FBXL20: variants seen among roughly 807,000 people sequenced by gnomAD.
FBXL20 encodes F-box and leucine rich repeat protein 20, also known as F-box/LRR-repeat protein 20.
In FBXL20, 11 loss-of-function variants were observed where a neutral mutation model predicts 64.0. The ratio of observed to expected loss-of-function variants is 0.17; its 90% CI spans 0.11 to 0.28. The LOEUF (loss-of-function observed/expected upper bound fraction) is 0.28, where lower values mean the gene tolerates loss of function less well. Ranked by LOEUF, FBXL20 falls within the 10% of genes least tolerant of loss-of-function variation. The pLI is 1.00. For missense variants in FBXL20, 303 were observed against 526.2 expected (o/e 0.58, Z 4.15); for synonymous variants, 184 against 189.0 (o/e 0.97, Z 0.22).
chr17:39,346,054 G>C (rs1412483067), intron 1 of FBXL20, among the ~76,000 whole-genome samples: 1 of 152,140 alleles, frequency 6.6e-6, no homozygotes, highest in Non-Finnish European at 1.5e-5. Flanking sequence ...GGGAGTGGTA[G>C]CTCATGCCTG....
At chr17:39,300,669 C>T (rs1413427393) in intron 4 of FBXL20, among the ~76,000 whole-genome samples, 1 of 152,074 alleles carries the variant, frequency 6.6e-6, no homozygotes, top group Non-Finnish European at 1.5e-5. Context: ...CTATTTATTC[C>T]TCAGTAAACA....
chr17:39,380,215 A>C (rs1430943536), intron 1 of FBXL20, among the ~76,000 whole-genome samples: 1 of 152,150 alleles, frequency 6.6e-6, no homozygotes, highest in Non-Finnish European at 1.5e-5. Flanking sequence ...AACAGAACAC[A>C]ATTCAAAAAC....
intron 2 of FBXL20, among the ~76,000 whole-genome samples, chr17:39,324,023 C>CCCCCCCA (rs2047384636): frequency 7.2e-6 from 1 of 139,030 alleles, no homozygotes; most frequent in African/African-American, 3.0e-5. Flanking sequence ...CTCCCCCCCC[C>CCCCCCCA]ACCCCCTGGC....
At chr17:39,283,909 A>C (rs1300414314) in intron 7 of FBXL20, among the ~76,000 whole-genome samples, 1 of 131,182 alleles carries the variant, frequency 7.6e-6, no homozygotes, top group Non-Finnish European at 1.5e-5. Context: ...TCCAGAAGAT[A>C]AAGCCATGAT....
chr17:39,285,923 T>TA, intron 6 of FBXL20, among the ~76,000 whole-genome samples: 1 of 152,358 alleles, frequency 6.6e-6, no homozygotes, highest in East Asian at 1.9e-4. Flanking sequence ...AATGGCTATC[T>TA]ACCAGACGTA....
intron 1 of FBXL20, among the ~76,000 whole-genome samples, chr17:39,371,016 C>T (rs147423437): frequency 5.9e-5 from 9 of 151,734 alleles, no homozygotes; most frequent in Non-Finnish European, 1.0e-4. Context: ...TTTGGGAGTT[C>T]GAGACCAGCC....
chr17:39,261,686 C>T (rs756067518), intron 14 of FBXL20, 119 bp from the exon 15 acceptor site: 2 of 707,608 alleles, frequency 2.8e-6, no homozygotes, highest in Admixed American at 5.4e-5. Flanking sequence ...AAAGGCTGAG[C>T]ACTGGTCAGG....
intron 8 of FBXL20, 80 bp downstream of exon 8, chr17:39,282,649 A>T: frequency 6.3e-7 from 1 of 1,575,238 alleles, no homozygotes; most frequent in Non-Finnish European, 8.7e-7. Context: ...CTCCAGACAA[A>T]CATCTTGGGG....
In FBXL20 at chr17:39,260,602, A is replaced by G. The variant is rs1235161364; in HGVS notation, c.*858T>C. 6.6e-6 allele frequency: 1 copy of G among 152,298 alleles called. No individual in the cohort carries two copies. Among genetic ancestry groups the G allele is most frequent in the Non-Finnish European group, 1.5e-5 (1 of 68,050 alleles). The allele number at this position is 152,298 out of a possible 1,614,324, so 9.4% of individuals were successfully genotyped here. On this transcript the variant is annotated 3_prime_UTR_variant, in exon 15 of 15. Transcript: ENST00000264658. ...CCCCTAATGGTAAAATTTAGAATTA[A>G]AAAAATATTTATTGATAATATCTTT...
intron 1 of FBXL20, among the ~76,000 whole-genome samples, chr17:39,364,224 T>A (rs1316500447): frequency 1.3e-5 from 2 of 152,148 alleles, no homozygotes; most frequent in African/African-American, 4.8e-5. Context: ...CAATGCCCCT[T>A]TGCAATGCAA....
chr17:39,349,718 C>G (rs1027002966), intron 1 of FBXL20, among the ~76,000 whole-genome samples: 9 of 152,048 alleles, frequency 5.9e-5, no homozygotes, highest in African/African-American at 7.2e-5. Flanking sequence ...AGGCAGATCA[C>G]GAGGTCAGGA....
intron 5 of FBXL20, among the ~76,000 whole-genome samples, chr17:39,298,463 AATTCCAGCACTTTGG>A (rs2047106122): frequency 6.6e-6 from 1 of 152,120 alleles, no homozygotes; most frequent in Non-Finnish European, 1.5e-5. Flanking sequence ...TCATGCCCGT[AATTCCAGCACTTTGG>A]GAGGCTGAGG....
chr17:39,328,400 G>C (rs60556653), intron 2 of FBXL20, among the ~76,000 whole-genome samples: 1 of 151,824 alleles, frequency 6.6e-6, no homozygotes, highest in African/African-American at 2.4e-5. Flanking sequence ...TGTTGTGCCA[G>C]AAAACAAGGA....
At chr17:39,369,874 T>C (rs560227545) in intron 1 of FBXL20, among the ~76,000 whole-genome samples, 1 of 152,250 alleles carries the variant, frequency 6.6e-6, no homozygotes, top group South Asian at 2.1e-4. Flanking sequence ...GGTCTCCAGC[T>C]TTCCTCCTAC....
Position 39,281,428 on chromosome 17 carries a change from G to T in FBXL20, c.657C>A (p.His219Gln). The T allele has an allele frequency of 6.2e-7, 1 of 1,613,980 alleles. No individual in the cohort carries two copies. Among genetic ancestry groups the T allele is most frequent in the Non-Finnish European group, 8.5e-7 (1 of 1,179,942 alleles). Residue 219 changes from histidine to glutamine, a missense_variant, in exon 9 of 15, where the codon CAC becomes CAA. This residue lies in a region of FBXL20 where 246 missense variants were observed against 422.6 expected (regional missense o/e 0.58). Transcript: ENST00000264658. ...EDEALKYIGAHCPELVTLNLQ... is the reference protein window; with the variant it reads ...EDEALKYIGAQCPELVTLNLQ... Reference sequence around the variant, plus strand: ...AGTTCAAAGTCACCAGTTCAGGGCAGTGTGCACCTATGTACTTGAGAGCTT... The same window carrying T: ...AGTTCAAAGTCACCAGTTCAGGGCATTGTGCACCTATGTACTTGAGAGCTT...
intron 1 of FBXL20, among the ~76,000 whole-genome samples, chr17:39,395,146 C>A (rs1380371615): frequency 6.6e-6 from 1 of 152,036 alleles, no homozygotes; most frequent in Non-Finnish European, 1.5e-5. Context: ...ACTTCTAGGC[C>A]GGGCGTGGTG....
intron 2 of FBXL20, among the ~76,000 whole-genome samples, chr17:39,312,545 T>C (rs1654271493): frequency 6.9e-6 from 1 of 144,240 alleles, no homozygotes; most frequent in Non-Finnish European, 1.5e-5. Context: ...TTTGCTATTA[T>C]TTAGCAACCC....
chr17:39,397,576 T>C (rs2048196081), intron 1 of FBXL20, among the ~76,000 whole-genome samples: 1 of 152,064 alleles, frequency 6.6e-6, no homozygotes, highest in Admixed American at 6.6e-5. Flanking sequence ...CTGAAGCAAA[T>C]CTAAGCTTAG....
In FBXL20 at chr17:39,254,645, A is replaced by C. The variant is rs1056819133; in HGVS notation, c.*6815T>G. The C allele has an allele frequency of 1.3e-5, 2 of 154,490 alleles. No individual in the cohort carries two copies. Among genetic ancestry groups the C allele is most frequent in the Non-Finnish European group, 2.9e-5 (2 of 68,232 alleles). 9.6% of individuals were successfully genotyped at this position (154,490 alleles called of 1,614,324 possible). The stretch of plus-strand genomic sequence containing the variant: ...TTGCCAGTAAAAAGGGGTGCAGTTG[A>C]TCAGAGAGGAAAGTAAATGTACCCA... On this transcript the variant is annotated 3_prime_UTR_variant, in exon 15 of 15. Transcript: ENST00000264658.
Sources: gnomAD v4.1 joint callset for allele counts (sites outside exome capture counted in the v4.1 genomes callset) on GRCh38, gnomAD v4.1.1 for gene constraint, gnomAD v4.1.1 regional missense constraint, MANE v1.5 for transcripts, NCBI Gene and HGNC (gene_info 2026-07-23, HGNC 2026-07-21) for gene names.